The following GREP1 variants were observed in gnomAD, a reference collection of about 807,000 sequenced individuals.
GREP1 encodes the protein glycine-rich extracellular protein 1.
chr16:2,996,088 G>A (rs571552512), intron 18 of GREP1, among the ~76,000 whole-genome samples: 19 of 152,186 alleles, frequency 1.2e-4, no homozygotes, highest in African/African-American at 4.3e-4. Flanking sequence ...ACCCACCACC[G>A]CACCTGGCTA....
chr16:2,991,096 AGTCAGGTGAGGAAACGTCG>A lies in GREP1; in HGVS notation c.319_322+15del. On this transcript the variant is annotated splice_donor_variant and splice_donor_5th_base_variant and coding_sequence_variant and intron_variant, in exon 8 of 35. Coordinates refer to ENST00000573315, the Ensembl canonical transcript of GREP1. LOFTEE classifies it high-confidence loss of function. This position sits in a 1 kb window ranked among gnomAD's most constrained non-coding sequence, Gnocchi z 4.9. ...GCGGCCTTCCCAGTGGCCGGAGCCC[AGTCAGGTGAGGAAACGTCG>A]GGTGTGGCAGGACCTGGGCTTCCAG... The A allele has an allele frequency of 2.5e-6, 1 of 399,182 alleles. No individual in the cohort carries two copies. The highest frequency in any genetic ancestry group is 4.4e-6 in the Non-Finnish European group (1 of 226,232). The allele number at this position is 399,182 out of a possible 1,614,324, so 24.7% of individuals were successfully genotyped here.
Position 2,991,023 on chromosome 16 carries a change from T to A in GREP1, c.269-25T>A, listed in dbSNP as rs986511653. ...CTTGACGCCCCATTCCCCCTCCTCA[T>A]GTCCCTCTGGCTCTGTCTCCCCAGG... On this transcript the variant is annotated intron_variant, in intron 7 of 34. Coordinates refer to ENST00000573315, the Ensembl canonical transcript of GREP1. This position sits in a 1 kb window ranked among gnomAD's most constrained non-coding sequence, Gnocchi z 4.9. The A allele has an allele frequency of 2.5e-6, 1 of 399,076 alleles. No homozygotes were observed. Among genetic ancestry groups the A allele is most frequent in the African/African-American group, 2.1e-5 (1 of 48,606 alleles). The allele number at this position is 399,076 out of a possible 1,614,324, so 24.7% of individuals were successfully genotyped here.
In GREP1 at chr16:2,991,606, CGT is replaced by C. The variant is rs1225197699; in HGVS notation, c.322+509_322+510del. 1 of 152,554 alleles carries C rather than the reference CGT, an allele frequency of 6.6e-6. No homozygotes were observed. Among genetic ancestry groups the C allele is most frequent in the Non-Finnish European group, 1.5e-5 (1 of 68,328 alleles). The allele number at this position is 152,554 out of a possible 1,614,324, so 9.5% of individuals were successfully genotyped here. On this transcript the variant is annotated intron_variant, in intron 8 of 34. Transcript: ENST00000573315. This position sits in a 1 kb window ranked among gnomAD's most constrained non-coding sequence, Gnocchi z 4.9. ...AAGCGGATGAAGGGAGGACCCCGCC[CGT>C]GTGCCACCTCCATGCCACACTCACC...
rs371875015 is a variant in GREP1, at chr16:2,992,918, A to G, written c.353-13A>G. 195 of 399,062 alleles carry G rather than the reference A, an allele frequency of 4.9e-4. No homozygotes were observed. Among genetic ancestry groups the G allele is most frequent in the African/African-American group, 3.5e-3 (170 of 48,750 alleles). The allele number at this position is 399,062 out of a possible 1,614,324, so 24.7% of individuals were successfully genotyped here. On this transcript the variant is annotated splice_polypyrimidine_tract_variant and intron_variant, in intron 9 of 34. Transcript: ENST00000573315. This position sits in a 1 kb window ranked among gnomAD's most constrained non-coding sequence, Gnocchi z 4.9. ...AGAGGAAAGGATCCCTCACCCTCTCATCTTCCCCCCAGGCTTTGGAGGGGG... is the reference window on the plus strand; with the variant it reads ...AGAGGAAAGGATCCCTCACCCTCTCGTCTTCCCCCCAGGCTTTGGAGGGGG...
At chr16:2,993,547 G>A (rs989107711) in intron 10 of GREP1, 1 of 151,944 alleles carries the variant, frequency 6.6e-6, no homozygotes, top group Admixed American at 6.6e-5. Context: ...CGTGCCTGTA[G>A]TCCCAGCTAC....
At position 2,994,926 on chromosome 16, in the gene GREP1, G is replaced by A. The variant is rs927634254; in HGVS notation, c.449-1G>A. On this transcript the variant is annotated splice_acceptor_variant, in intron 12 of 34. Transcript: ENST00000573315. LOFTEE classifies it high-confidence loss of function. ...TACCCCGCCTTGATCTATTCCCCCA[G>A]GATTCCAGTACAGAATTGGGCTGGG... 5.0e-6 allele frequency: 2 copies of A among 399,114 alleles called. No homozygotes were observed. The highest frequency in any genetic ancestry group is 2.1e-5 in the African/African-American group (1 of 48,634). The allele number at this position is 399,114 out of a possible 1,614,324, so 24.7% of individuals were successfully genotyped here.
rs2072388018 is a variant in GREP1, at chr16:2,989,545, G to A, written c.123G>A (p.Leu41=). The change falls in exon 3 of 35, where the codon CTG becomes CTA. Residue 41 remains leucine, a synonymous_variant. Transcript: ENST00000573315. This position sits in a 1 kb window ranked among gnomAD's most constrained non-coding sequence, Gnocchi z 4.2. ...CAGTCTATGGCCCCCACAGTGGCCT[G>A]GGAGCAGGTGAGGCCTGGCATAGGG... The A allele has an allele frequency of 5.0e-6, 2 of 399,618 alleles. No homozygotes were observed. The highest frequency in any genetic ancestry group is 8.8e-6 in the Non-Finnish European group (2 of 226,454). The allele number at this position is 399,618 out of a possible 1,614,324, so 24.8% of individuals were successfully genotyped here. A position where few individuals can be genotyped will look rare whatever the true frequency, so the allele number is the denominator to read the frequency against.
chr16:2,988,297 C>T (rs905920343), exon 1 of GREP1: 47 of 399,160 alleles, frequency 1.2e-4, no homozygotes, highest in African/African-American at 8.2e-4. Flanking sequence ...GGGCCTTCCC[C>T]GCAGCCCTTT....
chr16:3,001,688 C>T (rs962393984), exon 35 of GREP1: 8 of 398,868 alleles, frequency 2.0e-5, no homozygotes, highest in African/African-American at 4.1e-5. Flanking sequence ...GAACCACAAA[C>T]GTGCTTCCCT....
At chr16:2,996,339 C>T (rs939580626) in intron 18 of GREP1, among the ~76,000 whole-genome samples, 157 bp from the exon 18 acceptor site, 2 of 152,122 alleles carry the variant, frequency 1.3e-5, no homozygotes, top group South Asian at 2.1e-4. Context: ...ACTGGCTGGC[C>T]GGATGTGGCT....
At chr16:2,988,414 C>T (rs1024545711) in intron 1 of GREP1, 74 bp downstream of exon 1, 2 of 399,196 alleles carry the variant, frequency 5.0e-6, no homozygotes, top group Non-Finnish European at 8.8e-6. Context: ...CAAGTGGGGC[C>T]CTGGCCAGAT....
intron 4 of GREP1, 25 bp downstream of exon 4, chr16:2,990,031 C>G: frequency 2.5e-6 from 1 of 399,654 alleles, no homozygotes; most frequent in Non-Finnish European, 4.4e-6. Flanking sequence ...GGCCCCAGCT[C>G]TTTGTCTCCC....
chr16:2,998,219 G>A (rs572641818), intron 23 of GREP1, 137 bp from the exon 22 acceptor site: 3 of 397,754 alleles, frequency 7.5e-6, no homozygotes, highest in Non-Finnish European at 4.4e-6. Flanking sequence ...TCCCTCCCAG[G>A]ATACACACCA....
chr16:3,000,130 T>A lies in GREP1; in HGVS notation c.1264+12T>A. The A allele has an allele frequency of 2.5e-6, 1 of 399,166 alleles. No homozygotes were observed. Among genetic ancestry groups the A allele is most frequent in the Non-Finnish European group, 4.4e-6 (1 of 226,140 alleles). The allele number at this position is 399,166 out of a possible 1,614,324, so 24.7% of individuals were successfully genotyped here. A position where few individuals can be genotyped will look rare whatever the true frequency, so the allele number is the denominator to read the frequency against. ...GCCACAGAAAATTGGTGAGTCCTCC[T>A]GGGCCCCCGACCCATGTTGAGCGGA... On this transcript the variant is annotated intron_variant, in intron 29 of 34. Transcript: ENST00000573315.
Position 2,989,213 on chromosome 16 carries a change from G to C in GREP1, c.101-310G>C, listed in dbSNP as rs2072386571. 1 of 357,502 alleles carries C rather than the reference G, an allele frequency of 2.8e-6. No individual in the cohort carries two copies. The highest frequency in any genetic ancestry group is 5.0e-6 in the Non-Finnish European group (1 of 200,426). 22.1% of individuals were successfully genotyped at this position (357,502 alleles called of 1,614,324 possible). On this transcript the variant is annotated intron_variant, in intron 2 of 34. Coordinates refer to ENST00000573315, the Ensembl canonical transcript of GREP1. The surrounding 1 kb of genome is among the most constrained non-coding windows in gnomAD (Gnocchi z 4.2). Reference sequence around the variant, plus strand: ...TGCCCCACAGTCCCCCAGAGCCCTGGCTCAGACACCTTCCTCCAGGCCCAG... The same window carrying C: ...TGCCCCACAGTCCCCCAGAGCCCTGCCTCAGACACCTTCCTCCAGGCCCAG...
In GREP1 at chr16:2,993,237, A is replaced by C. The variant is rs1408820832; in HGVS notation, c.385+274A>C. 7 of 296,720 alleles carry C rather than the reference A, an allele frequency of 2.4e-5. No homozygotes were observed. In the East Asian group the frequency reaches 3.8e-4, roughly 16 times the overall value. The allele number at this position is 296,720 out of a possible 1,614,324, so 18.4% of individuals were successfully genotyped here. The stretch of plus-strand genomic sequence containing the variant: ...AGGAAGGGATGGGTGGACTCACAGG[A>C]AGTCCTTCCCCTTCTCTTCCCAGGC... On this transcript the variant is annotated intron_variant, in intron 10 of 34. Transcript: ENST00000573315.
chr16:2,994,953 G>A (rs1596462190), exon 13 of GREP1: 1 of 399,170 alleles, frequency 2.5e-6, no homozygotes, highest in Non-Finnish European at 4.4e-6. Flanking sequence ...TGGGCTGGGA[G>A]CCCAGCCAGG....
intron 20 of GREP1, 170 bp downstream of exon 19, chr16:2,996,875 C>T (rs2072427476): frequency 5.0e-6 from 2 of 399,142 alleles, no homozygotes; most frequent in Admixed American, 8.8e-5. Context: ...ACTGAGAGCC[C>T]CCTTCCTGGC....
At chr16:2,996,901 C>T in intron 20 of GREP1, 152 bp from the exon 20 acceptor site, 1 of 399,378 alleles carries the variant, frequency 2.5e-6, no homozygotes, top group Non-Finnish European at 4.4e-6. Flanking sequence ...CCTCCCTGTC[C>T]CCCAGTGGCT....
Sources: allele counts gnomAD v4.1 joint callset (sites outside exome capture counted in the v4.1 genomes callset), GRCh38; gene constraint gnomAD v4.1.1; non-coding constraint Gnocchi (gnomAD v3.1); transcripts MANE v1.5; gene names NCBI Gene and HGNC (gene_info 2026-07-23, HGNC 2026-07-21).